The following JAK2 variants were observed in gnomAD, a reference collection of about 807,000 sequenced individuals.
JAK2 encodes Janus kinase 2.
In JAK2, 86 loss-of-function variants were observed where a neutral mutation model predicts 139.3. The ratio of observed to expected loss-of-function variants is 0.62; its 90% CI spans 0.52 to 0.74. The LOEUF is 0.74. Ranked by LOEUF, JAK2 falls within the 30% of genes least tolerant of loss-of-function variation. JAK2 has a pLI of 0.00. For synonymous variants in JAK2, 490 were observed against 437.7 expected (o/e 1.12, Z -1.49); for missense variants, 1,421 against 1,360.3 (o/e 1.04, Z -0.70).
At position 5,112,598 on chromosome 9, in the gene JAK2, G is replaced by C. The variant is rs917777902; in HGVS notation, c.3060-10406G>C. Reference sequence around the variant, plus strand: ...CGGGTCCCTTAAGAGGGCTCTTAAGGAGCTGGGGCGCATGTGGCAACTGCA... The same window carrying C: ...CGGGTCCCTTAAGAGGGCTCTTAAGCAGCTGGGGCGCATGTGGCAACTGCA... On this transcript the variant is annotated intron_variant, in intron 22 of 24. Coordinates refer to ENST00000381652, the MANE Select transcript of JAK2 (RefSeq NM_004972.4). 30 of 787,666 alleles carry C rather than the reference G, an allele frequency of 3.8e-5. No homozygotes were observed. In the Admixed American group the frequency reaches 6.2e-4, roughly 16 times the overall value. 48.8% of individuals were successfully genotyped at this position (787,666 alleles called of 1,614,324 possible).
At chr9:5,120,947 T>C (rs1447212479) in intron 22 of JAK2, among the ~76,000 whole-genome samples, 1 of 152,216 alleles carries the variant, frequency 6.6e-6, no homozygotes. Context: ...GGAAATGTTC[T>C]AAAAGTCTGG....
At position 5,090,685 on chromosome 9, in the gene JAK2, T is replaced by G. The variant is rs539328212; in HGVS notation, c.2887-54T>G. Reference sequence around the variant, plus strand: ...AAGGGAATATATAGGGTTAAGACCATTTAAATTGTTTATATTTATAAAACT... The same window carrying G: ...AAGGGAATATATAGGGTTAAGACCAGTTAAATTGTTTATATTTATAAAACT... On this transcript the variant is annotated intron_variant, in intron 21 of 24. Coordinates refer to ENST00000381652, the MANE Select transcript of JAK2 (RefSeq NM_004972.4). The G allele has an allele frequency of 6.1e-5, 94 of 1,541,748 alleles. 1 individual carries two copies. The African/African-American group carries it at 1.1e-3, about 18-fold the overall frequency.
intron 19 of JAK2, chr9:5,086,199 C>CCCGCCA (rs1213266815): frequency 1.8e-6 from 1 of 565,414 alleles, no homozygotes; most frequent in South Asian, 5.1e-5. Context: ...CCGCGCCGCC[C>CCCGCCA]CCGCCACCAG....
chr9:5,002,265 A>G (rs889451828), intron 2 of JAK2, among the ~76,000 whole-genome samples: 2 of 151,664 alleles, frequency 1.3e-5, no homozygotes, highest in African/African-American at 2.4e-5. Flanking sequence ...CTTCTTTTCC[A>G]TCATAAGCAT....
chr9:5,021,513 A>G (rs548781139), intron 2 of JAK2, among the ~76,000 whole-genome samples: 35 of 152,374 alleles, frequency 2.3e-4, no homozygotes, highest in Admixed American at 1.1e-3. Context: ...TGTATGTAGT[A>G]ATACACGATA....
At chr9:5,085,383 G>A (rs1206400797) in intron 19 of JAK2, 4 of 896,694 alleles carry the variant, frequency 4.5e-6, no homozygotes, top group Non-Finnish European at 5.6e-6. Flanking sequence ...GCACCACTGG[G>A]TCGGGGCATC....
intron 4 of JAK2, chr9:5,041,154 G>T (rs1485005791): frequency 5.2e-6 from 6 of 1,144,336 alleles, no homozygotes; most frequent in Non-Finnish European, 6.4e-6. Flanking sequence ...CTGATCACGC[G>T]CATGGATTAT....
chr9:5,020,584 C>A (rs1469408032), intron 2 of JAK2, among the ~76,000 whole-genome samples: 1 of 152,080 alleles, frequency 6.6e-6, no homozygotes, highest in Non-Finnish European at 1.5e-5. Context: ...TGCACTGCAG[C>A]TGCAGGTGGA....
intron 22 of JAK2, among the ~76,000 whole-genome samples, chr9:5,115,113 C>G (rs1586827771): frequency 6.6e-6 from 1 of 152,084 alleles, no homozygotes; most frequent in East Asian, 1.9e-4. Flanking sequence ...AGAAACTGAT[C>G]AGAGTGAACA....
At chr9:5,043,469 G>T (rs1028517458) in intron 4 of JAK2, among the ~76,000 whole-genome samples, 7 of 152,164 alleles carry the variant, frequency 4.6e-5, no homozygotes, top group Non-Finnish European at 8.8e-5. Context: ...AGAGAATTTG[G>T]ACTAATTTGG....
At chr9:5,062,483 C>CA (rs1818251907) in intron 8 of JAK2, among the ~76,000 whole-genome samples, 1 of 101,110 alleles carries the variant, frequency 9.9e-6, no homozygotes, top group African/African-American at 4.8e-5. Flanking sequence ...TTAAGTTTGT[C>CA]AGAAACCTTC....
intron 4 of JAK2, among the ~76,000 whole-genome samples, chr9:5,040,582 T>A (rs565264270): frequency 6.6e-6 from 1 of 152,244 alleles, no homozygotes; most frequent in African/African-American, 2.4e-5. Context: ...AATTGTCTTA[T>A]CTCCAGAATA....
chr9:5,089,707 G>C lies in JAK2; in HGVS notation c.2605G>C (p.Asp869His). 1 of 1,501,754 alleles carries C rather than the reference G, an allele frequency of 6.7e-7. No homozygotes were observed. Among genetic ancestry groups the C allele is most frequent in the East Asian group, 2.5e-5 (1 of 39,248 alleles). 93.0% of individuals were successfully genotyped at this position (1,501,754 alleles called of 1,614,324 possible). A position where few individuals can be genotyped will look rare whatever the true frequency, so the allele number is the denominator to read the frequency against. ...TGGGAGTGTGGAGATGTGCCGGTATGACCCTCTACAGGACAACACTGGGGA... is the reference window on the plus strand; with the variant it reads ...TGGGAGTGTGGAGATGTGCCGGTATCACCCTCTACAGGACAACACTGGGGA... ...NFGSVEMCRY[D>H]PLQDNTGEVV... The change falls in exon 20 of 25, where the codon GAC becomes CAC. Residue 869 changes from aspartate (D) to histidine (H), a missense_variant. Physicochemically the swap from Asp to His is moderately conservative, Grantham distance 81. Coordinates refer to ENST00000381652, the MANE Select transcript of JAK2 (RefSeq NM_004972.4).
chr9:5,020,402 G>A (rs1218636407), intron 2 of JAK2, among the ~76,000 whole-genome samples: 1 of 152,176 alleles, frequency 6.6e-6, no homozygotes, highest in African/African-American at 2.4e-5. Context: ...AGTATCCTCA[G>A]GCCCTCCAGT....
chr9:5,004,783 C>A (rs1821167467), intron 2 of JAK2, among the ~76,000 whole-genome samples: 1 of 152,088 alleles, frequency 6.6e-6, no homozygotes, highest in Non-Finnish European at 1.5e-5. Flanking sequence ...ACACACTCAC[C>A]AATGCTTGTT....
intron 4 of JAK2, chr9:5,041,852 G>A: frequency 4.3e-6 from 2 of 468,508 alleles, no homozygotes; most frequent in East Asian, 6.0e-5. Flanking sequence ...AGCTGAACGC[G>A]GACGACCCCA....
chr9:5,044,859 C>G (rs1816889992), intron 5 of JAK2, among the ~76,000 whole-genome samples: 1 of 152,030 alleles, frequency 6.6e-6, no homozygotes, highest in African/African-American at 2.4e-5. Context: ...AGTAACATTT[C>G]TTTATGGTTT....
chr9:5,043,039 G>A (rs1013376838), intron 4 of JAK2, among the ~76,000 whole-genome samples: 2 of 152,216 alleles, frequency 1.3e-5, no homozygotes, highest in African/African-American at 4.8e-5. Flanking sequence ...CTGCTGTGTG[G>A]AGGCGCGCGG....
chr9:5,089,492 C>G (rs1586769697), intron 19 of JAK2, among the ~76,000 whole-genome samples, 182 bp from the exon 20 acceptor site: 1 of 126,648 alleles, frequency 7.9e-6, no homozygotes, highest in South Asian at 2.6e-4. Context: ...GAGCCGAGAT[C>G]GTGCCACTGC....
Sources: gnomAD v4.1 joint callset for allele counts (sites outside exome capture counted in the v4.1 genomes callset) on GRCh38, gnomAD v4.1.1 for gene constraint, MANE v1.5 for transcripts, NCBI Gene and HGNC (gene_info 2026-07-23, HGNC 2026-07-21) for gene names.